The following ABCB6 variants were observed in gnomAD, a reference collection of about 807,000 sequenced individuals.
ABCB6 encodes ATP-binding cassette sub-family B member 6.
Under a neutral mutation model 99.4 loss-of-function variants are expected in ABCB6, and 87 were observed. The observed-to-expected ratio is 0.88, with a 90% CI of 0.74 to 1.05. The LOEUF (loss-of-function observed/expected upper bound fraction) is 1.05, where lower values mean the gene tolerates loss of function less well. Among genes scored for constraint, ABCB6 ranks in the 50% least tolerant of loss-of-function variants. The pLI is 0.00. For synonymous variants in ABCB6, 482 were observed against 447.5 expected (o/e 1.08, Z -0.97); for missense variants, 1,050 against 1,097.9 (o/e 0.96, Z 0.62).
intron 13 of ABCB6, 65 bp from the exon 14 acceptor site, chr2:219,212,556 T>G (rs1950592051): frequency 1.6e-6 from 2 of 1,262,638 alleles, no homozygotes; most frequent in African/African-American, 2.9e-5. Flanking sequence ...CGAATCTCAC[T>G]CCGTCACCCA....
chr2:219,213,871 G>A lies in ABCB6; in HGVS notation c.1533C>T (p.Ala511=), dbSNP rs749571222. Residue 511 remains alanine (A), a synonymous_variant, in exon 9 of 19, where the codon GCC becomes GCT. Transcript: ENST00000265316. ...QNLVIGLGLL[A]GSLLCAYFVT... is the part of the protein sequence containing the mutation. Reference sequence around the variant, plus strand: ...CAAAGTATGCGCAAAGCAGGGAGCCGGCGAGGAGCCCGAGCCCAATCACCA... The same window carrying A: ...CAAAGTATGCGCAAAGCAGGGAGCCAGCGAGGAGCCCGAGCCCAATCACCA... The A allele has an allele frequency of 1.7e-5, 28 of 1,613,978 alleles. No homozygotes were observed. The highest frequency in any genetic ancestry group is 1.0e-4 in the Admixed American group (6 of 60,000).
At position 219,210,648 on chromosome 2, in the gene ABCB6, G is replaced by A. The variant is rs917243446; in HGVS notation, c.2256+63C>T. 1.9e-6 allele frequency: 3 copies of A among 1,609,206 alleles called. No individual in the cohort carries two copies. In the East Asian group the frequency reaches 6.7e-5, roughly 36 times the overall value. ...GGTATCTGTTCTAGGTGGGGACAGT[G>A]CCCAGGAGGAACGGCTTGAGCATAC... On this transcript the variant is annotated intron_variant, in intron 16 of 18. Coordinates refer to ENST00000265316, the MANE Select transcript of ABCB6 (RefSeq NM_005689.4).
Position 219,213,858 on chromosome 2 carries a change from A to C in ABCB6, c.1546T>G (p.Cys516Gly), listed in dbSNP as rs1160312520. The stretch of plus-strand genomic sequence containing the variant: ...TTCTGCTCAGTGACAAAGTATGCGC[A>C]AAGCAGGGAGCCGGCGAGGAGCCCG... ...GLGLLAGSLL[C>G]AYFVTEQKLQ... is the part of the protein sequence containing the mutation. The change falls in exon 9 of 19, where the codon TGC becomes GGC. Residue 516 changes from cysteine to glycine, a missense_variant. Physicochemically the swap from Cys to Gly is radical, Grantham distance 159. Coordinates refer to ENST00000265316, the MANE Select transcript of ABCB6 (RefSeq NM_005689.4). The C allele has an allele frequency of 1.2e-6, 2 of 1,613,998 alleles. No homozygotes were observed. The highest frequency in any genetic ancestry group is 1.7e-6 in the Non-Finnish European group (2 of 1,180,048).
At position 219,213,943 on chromosome 2, in the gene ABCB6, C is replaced by T. The variant is rs920871888; in HGVS notation, c.1461G>A (p.Glu487=). The T allele has an allele frequency of 4.3e-6, 7 of 1,613,992 alleles. No individual in the cohort carries two copies. In the African/African-American group the frequency reaches 6.7e-5, roughly 15 times the overall value. The part of the protein sequence containing the change: ...REAIIKYQGL[E]WKSSASLVLL... ...AAACCAGTGAAGCGCTCGACTTCCA[C>T]TCCAAACCCTGAGGGCAATAACACA... Residue 487 remains glutamate, a synonymous_variant, in exon 9 of 19, where the codon GAG becomes GAA. Transcript: ENST00000265316.
At chr2:219,217,515 G>A (rs1210417300) in intron 2 of ABCB6, among the ~76,000 whole-genome samples, 155 bp downstream of exon 2, 2 of 150,340 alleles carry the variant, frequency 1.3e-5, no homozygotes, top group Non-Finnish European at 3.0e-5. Flanking sequence ...GTGGTGTCAT[G>A]CACCTGTAGT....
rs768523148 is a variant in ABCB6, at chr2:219,210,988, C to CCA, written c.2087_2088dup (p.Glu697TrpfsTer30). 1.2e-6 allele frequency: 2 copies of CCA among 1,614,194 alleles called. No individual in the cohort carries two copies. The highest frequency in any genetic ancestry group is 1.3e-5 in the African/African-American group (1 of 75,052). ...ATGCCTGCAGCCTGAGCAGCAGCCT[C>CCA]CACCTCATCATTCCCAGCTGTGACA... On this transcript the variant is annotated frameshift_variant, in exon 15 of 19. Transcript: ENST00000265316. LOFTEE classifies it high-confidence loss of function.
chr2:219,216,659 C>T lies in ABCB6; in HGVS notation c.861G>A (p.Arg287=). The part of the protein sequence containing the change: ...ALNVLVPIFY[R]NIVNLLTEKA... The stretch of plus-strand genomic sequence containing the variant: ...GGTGCTCCTCCTGCTCACCAATGTT[C>T]CTATAGAATATAGGCACCAACACAT... The change falls in exon 3 of 19, where the codon AGG becomes AGA. Residue 287 remains arginine, a synonymous_variant. Transcript: ENST00000265316. The surrounding 1 kb of genome is among the most constrained non-coding windows in gnomAD (Gnocchi z 4.2). 5 of 1,558,558 alleles carry T rather than the reference C, an allele frequency of 3.2e-6. No homozygotes were observed. Among genetic ancestry groups the T allele is most frequent in the Non-Finnish European group, 4.3e-6 (5 of 1,151,060 alleles).
At chr2:219,214,361 A>T (rs1408422710) in intron 7 of ABCB6, 28 bp downstream of exon 7, 5 of 1,586,846 alleles carry the variant, frequency 3.2e-6, no homozygotes, top group Non-Finnish European at 4.3e-6. Flanking sequence ...TCCACGCCTC[A>T]CACCACTGCC....
intron 13 of ABCB6, 40 bp from the exon 14 acceptor site, chr2:219,212,531 CTTT>C (rs754294584): frequency 1.3e-6 from 2 of 1,528,148 alleles, no homozygotes; most frequent in South Asian, 1.1e-5. Flanking sequence ...GGCCCACTGG[CTTT>C]TTTTTTGAGA....
intron 1 of ABCB6, 75 bp downstream of exon 1, chr2:219,218,050 A>G: frequency 6.6e-7 from 1 of 1,507,256 alleles, no homozygotes; most frequent in Non-Finnish European, 8.9e-7. Context: ...GCCTGGAAGC[A>G]GTGTGACTGG....
chr2:219,215,214 A>G, intron 5 of ABCB6, 132 bp from the exon 6 acceptor site: 1 of 1,169,408 alleles, frequency 8.6e-7, no homozygotes, highest in Non-Finnish European at 1.2e-6. Flanking sequence ...TTCTACCCTC[A>G]AGAGGTGGGT....
chr2:219,216,516 A>G lies in ABCB6; in HGVS notation c.869-51T>C, dbSNP rs771678135. The G allele has an allele frequency of 2.5e-6, 4 of 1,588,384 alleles. No homozygotes were observed. Among genetic ancestry groups the G allele is most frequent in the Non-Finnish European group, 3.4e-6 (4 of 1,160,786 alleles). On this transcript the variant is annotated intron_variant, in intron 3 of 18. Coordinates refer to ENST00000265316, the MANE Select transcript of ABCB6 (RefSeq NM_005689.4). The surrounding 1 kb of genome is among the most constrained non-coding windows in gnomAD (Gnocchi z 4.2). ...ACTTATGGCGCCCAGGACTCTCTTC[A>G]GGCAAAATGGCCCCAGGTACCAGCC... is the stretch of plus-strand genomic sequence containing the variant.
rs752595656 is a variant in ABCB6, at chr2:219,210,405, C to T, written c.2327G>A (p.Arg776His). 7.4e-6 allele frequency: 12 copies of T among 1,614,048 alleles called. No homozygotes were observed. The highest frequency in any genetic ancestry group is 4.0e-5 in the African/African-American group (3 of 74,912). ...QASLAKVCAN[R>H]TTIVVAHRLS... The stretch of plus-strand genomic sequence containing the variant: ...CCTGTGTGCCACTACGATGGTGGTG[C>T]GGTTGGCACAGACTTTGGCCAGAGA... The change falls in exon 17 of 19, where the codon CGC becomes CAC. Residue 776 changes from arginine (R) to histidine (H), a missense_variant. Arg to His is a conservative substitution (Grantham distance 29). Coordinates refer to ENST00000265316, the MANE Select transcript of ABCB6 (RefSeq NM_005689.4).
Position 219,213,861 on chromosome 2 carries a change from G to A in ABCB6, c.1543C>T (p.Leu515Phe). Residue 515 changes from leucine to phenylalanine, a missense_variant, in exon 9 of 19, where the codon CTT becomes TTT. Leu to Phe is a conservative substitution (Grantham distance 22). Transcript: ENST00000265316. ...TGCTCAGTGACAAAGTATGCGCAAA[G>A]CAGGGAGCCGGCGAGGAGCCCGAGC... ...IGLGLLAGSL[L>F]CAYFVTEQKL... The A allele has an allele frequency of 6.2e-7, 1 of 1,614,126 alleles. No homozygotes were observed. Among genetic ancestry groups the A allele is most frequent in the Non-Finnish European group, 8.5e-7 (1 of 1,180,024 alleles).
chr2:219,218,575 G>A lies in ABCB6; in HGVS notation c.99C>T (p.Pro33=). 6.2e-7 allele frequency: 1 copy of A among 1,612,614 alleles called. No individual in the cohort carries two copies. Among genetic ancestry groups the A allele is most frequent in the East Asian group, 2.2e-5 (1 of 44,866 alleles). The change falls in exon 1 of 19, where the codon CCC becomes CCT. Residue 33 remains proline, a synonymous_variant. Coordinates refer to ENST00000265316, the MANE Select transcript of ABCB6 (RefSeq NM_005689.4). The part of the protein sequence containing the change: ...LSPCFFFTLV[P]STRMALGTLA... ...GAGTCCCCAGAGCCATCCGCGTCGAGGGCACGAGCGTGAAGAAGAAGCAGG... is the reference window on the plus strand; with the variant it reads ...GAGTCCCCAGAGCCATCCGCGTCGAAGGCACGAGCGTGAAGAAGAAGCAGG...
intron 2 of ABCB6, among the ~76,000 whole-genome samples, chr2:219,217,204 CA>C (rs1257977679): frequency 2.6e-5 from 4 of 151,980 alleles, no homozygotes; most frequent in African/African-American, 9.7e-5. Flanking sequence ...ACTAAAAATA[CA>C]AAAATTAGCC....
At position 219,218,390 on chromosome 2, in the gene ABCB6, AC is replaced by A; in HGVS notation, c.283del (p.Val95TrpfsTer155). Reference protein sequence around the residue: ...ALPLAGLAGRVGTARGAPLPS... With the variant: ...ALPLAGLAGRXGTARGAPLPS... ...CAGTGGGGCCCCCCGGGCAGTGCCC[AC>A]CCGGCCAGCCAGGCCGGCCAGGGGC... On this transcript the variant is annotated frameshift_variant, in exon 1 of 19. Coordinates refer to ENST00000265316, the MANE Select transcript of ABCB6 (RefSeq NM_005689.4). LOFTEE classifies it high-confidence loss of function. The A allele has an allele frequency of 6.2e-7, 1 of 1,612,150 alleles. No homozygotes were observed. Among genetic ancestry groups the A allele is most frequent in the Non-Finnish European group, 8.5e-7 (1 of 1,179,582 alleles).
Position 219,209,844 on chromosome 2 carries a change from A to G in ABCB6, c.*94T>C. On this transcript the variant is annotated 3_prime_UTR_variant, in exon 19 of 19. Coordinates refer to ENST00000265316, the MANE Select transcript of ABCB6 (RefSeq NM_005689.4). ...CCTTTCCCTTACCATAGCTAGCACCATACCCCAAGACCAGGATGAAATAAG... is the reference window on the plus strand; with the variant it reads ...CCTTTCCCTTACCATAGCTAGCACCGTACCCCAAGACCAGGATGAAATAAG... 2.0e-6 allele frequency: 2 copies of G among 990,208 alleles called. No individual in the cohort carries two copies. Among genetic ancestry groups the G allele is most frequent in the Admixed American group, 3.5e-5 (2 of 56,828 alleles). The allele number at this position is 990,208 out of a possible 1,614,324, so 61.3% of individuals were successfully genotyped here. A position where few individuals can be genotyped will look rare whatever the true frequency, so the allele number is the denominator to read the frequency against.
chr2:219,216,931 G>A lies in ABCB6; in HGVS notation c.688-99C>T. On this transcript the variant is annotated intron_variant, in intron 2 of 18. Coordinates refer to ENST00000265316, the MANE Select transcript of ABCB6 (RefSeq NM_005689.4). The surrounding 1 kb of genome is among the most constrained non-coding windows in gnomAD (Gnocchi z 4.2). The stretch of plus-strand genomic sequence containing the variant: ...AAACCTATGGGGTTACAGCTCCCAG[G>A]TATCTCAGACCCACAAGTGATCCTT... 5 of 1,102,470 alleles carry A rather than the reference G, an allele frequency of 4.5e-6. No individual in the cohort carries two copies. The highest frequency in any genetic ancestry group is 3.8e-6 in the Non-Finnish European group (3 of 792,194). The allele number at this position is 1,102,470 out of a possible 1,614,324, so 68.3% of individuals were successfully genotyped here.
Sources: gnomAD v4.1 joint callset for allele counts (sites outside exome capture counted in the v4.1 genomes callset) on GRCh38, gnomAD v4.1.1 for gene constraint, Gnocchi (gnomAD v3.1) non-coding constraint, MANE v1.5 for transcripts, NCBI Gene and HGNC (gene_info 2026-07-23, HGNC 2026-07-21) for gene names.